The following SPATS2L variants were observed in gnomAD, a reference collection of about 807,000 sequenced individuals.
SPATS2L encodes spermatogenesis associated serine rich 2 like.
Under a neutral mutation model 59.6 loss-of-function variants are expected in SPATS2L, and 30 were observed. The ratio of observed to expected loss-of-function variants is 0.50; its 90% CI spans 0.38 to 0.68. The LOEUF (loss-of-function observed/expected upper bound fraction) is 0.68. SPATS2L is among the 30% of genes least tolerant of loss of function. The pLI is 0.00. For synonymous variants in SPATS2L, 252 were observed against 263.5 expected, an observed-to-expected ratio of 0.96 and a Z score of 0.42; for missense variants, 615 against 700.0, an observed-to-expected ratio of 0.88 and a Z score of 1.37.
Position 200,465,620 on chromosome 2 carries a change from TA to T in SPATS2L, c.848-1669del, listed in dbSNP as rs553088150. On this transcript the variant is annotated intron_variant, in intron 9 of 12. Transcript: ENST00000409140. ...GCCACATGGTATTGTAAATGGGGGC[TA>T]GGGGGAGCCCCAGTTAAAGAATCAA... is the stretch of plus-strand genomic sequence containing the variant. Among the ~76,000 whole-genome samples, 17 of 152,334 alleles carry T rather than the reference TA, an allele frequency of 1.1e-4. No homozygotes were observed. In the South Asian group the frequency reaches 3.3e-3, roughly 30 times the overall value.
chr2:200,407,313 T>C (rs1455569683), intron 3 of SPATS2L, among the ~76,000 whole-genome samples: 1 of 152,204 alleles, frequency 6.6e-6, no homozygotes, highest in Non-Finnish European at 1.5e-5. Flanking sequence ...AACATAGGTC[T>C]GTCTAACTCC....
intron 1 of SPATS2L, among the ~76,000 whole-genome samples, chr2:200,327,399 G>A (rs867270315): frequency 2.7e-5 from 3 of 109,904 alleles, no homozygotes; most frequent in Non-Finnish European, 4.2e-5. Flanking sequence ...GCGAGACTCC[G>A]TCTCAAAAAA....
At chr2:200,466,198 G>T (rs1444621680) in intron 9 of SPATS2L, among the ~76,000 whole-genome samples, 1 of 152,124 alleles carries the variant, frequency 6.6e-6, no homozygotes, top group Non-Finnish European at 1.5e-5. Context: ...ATATTGTTTG[G>T]ACCTGCACGT....
At chr2:200,471,907 A>G (rs1444066061) in intron 11 of SPATS2L, among the ~76,000 whole-genome samples, 2 of 152,256 alleles carry the variant, frequency 1.3e-5, no homozygotes, top group Admixed American at 1.3e-4. Context: ...TAAGCCTCAA[A>G]GAAAGGTCTA....
At chr2:200,372,684 A>G (rs1041702042) in intron 2 of SPATS2L, among the ~76,000 whole-genome samples, 3 of 152,214 alleles carry the variant, frequency 2.0e-5, no homozygotes, top group Non-Finnish European at 4.4e-5. Flanking sequence ...AACCAAAACA[A>G]TGGCACCAGA....
intron 6 of SPATS2L, among the ~76,000 whole-genome samples, chr2:200,424,212 C>T (rs908638171): frequency 8.5e-5 from 13 of 152,160 alleles, no homozygotes; most frequent in African/African-American, 2.9e-4. Context: ...GCCGAGCGGG[C>T]ACAGTGGCTC....
At chr2:200,373,541 AAAAC>A (rs1456740856) in intron 2 of SPATS2L, among the ~76,000 whole-genome samples, 1 of 152,254 alleles carries the variant, frequency 6.6e-6, no homozygotes, top group African/African-American at 2.4e-5. Flanking sequence ...AGCATTTAGT[AAAAC>A]AAACAAGAGT....
chr2:200,376,254 A>T (rs1271895937), intron 2 of SPATS2L, among the ~76,000 whole-genome samples: 2 of 152,218 alleles, frequency 1.3e-5, no homozygotes, highest in Non-Finnish European at 2.9e-5. Flanking sequence ...ATTTCCCATT[A>T]CAGCATATTT....
chr2:200,311,953 T>C (rs545887963), intron 1 of SPATS2L, among the ~76,000 whole-genome samples: 1 of 152,272 alleles, frequency 6.6e-6, no homozygotes, highest in South Asian at 2.1e-4. Context: ...GTGAGTGAAT[T>C]CCAGGGCCAA....
chr2:200,401,518 G>A (rs2082528189), intron 3 of SPATS2L, among the ~76,000 whole-genome samples: 1 of 152,148 alleles, frequency 6.6e-6, no homozygotes, highest in South Asian at 2.1e-4. Context: ...ATAATGGAAA[G>A]GGGTGGGTGC....
intron 2 of SPATS2L, among the ~76,000 whole-genome samples, chr2:200,361,409 G>A (rs532752519): frequency 1.3e-3 from 202 of 152,222 alleles, no homozygotes; most frequent in South Asian, 5.0e-3. Flanking sequence ...TCTTGCCCTC[G>A]TAGGGCAGAA....
At chr2:200,435,093 T>C (rs1046109883) in intron 6 of SPATS2L, among the ~76,000 whole-genome samples, 2 of 152,198 alleles carry the variant, frequency 1.3e-5, no homozygotes, top group Admixed American at 6.5e-5. Flanking sequence ...TCCATTATTT[T>C]TTCACATTTT....
At chr2:200,406,536 T>C (rs1486339536) in intron 3 of SPATS2L, among the ~76,000 whole-genome samples, 3 of 152,154 alleles carry the variant, frequency 2.0e-5, no homozygotes, top group African/African-American at 7.2e-5. Flanking sequence ...TCTCTTCATC[T>C]GCACTCCAGC....
intron 7 of SPATS2L, 136 bp downstream of exon 7, chr2:200,439,464 C>T (rs2084537404): frequency 1.5e-6 from 1 of 687,808 alleles, no homozygotes; most frequent in East Asian, 2.7e-5. Flanking sequence ...TTTCTGTGAC[C>T]CACATAGATG....
At chr2:200,307,405 C>T (rs932549956) in intron 1 of SPATS2L, among the ~76,000 whole-genome samples, 18 of 151,958 alleles carry the variant, frequency 1.2e-4, no homozygotes, top group Non-Finnish European at 1.3e-4. Context: ...ACCCCGCCCT[C>T]GGATCCCAGC....
At chr2:200,436,992 C>T (rs2084342145) in intron 6 of SPATS2L, among the ~76,000 whole-genome samples, 1 of 152,100 alleles carries the variant, frequency 6.6e-6, no homozygotes, top group Non-Finnish European at 1.5e-5. Flanking sequence ...TGGCACCTCT[C>T]CCCTCACTCT....
intron 6 of SPATS2L, among the ~76,000 whole-genome samples, chr2:200,423,663 A>G (rs2083405052): frequency 6.6e-6 from 1 of 152,198 alleles, no homozygotes. Context: ...CCACATAATG[A>G]TATTCTGTGC....
intron 2 of SPATS2L, among the ~76,000 whole-genome samples, chr2:200,331,560 A>C (rs986967827): frequency 6.6e-6 from 1 of 152,224 alleles, no homozygotes; most frequent in African/African-American, 2.4e-5. Context: ...AGTGTAGGGA[A>C]TATAGACCGA....
At chr2:200,389,078 T>A (rs891741245) in intron 2 of SPATS2L, 145 bp from the exon 3 acceptor site, 3 of 595,614 alleles carry the variant, frequency 5.0e-6, no homozygotes, top group South Asian at 2.3e-5. Context: ...CTAAGTCAGA[T>A]GCTTAGCTTG....
Sources: gnomAD v4.1 joint callset for allele counts (sites outside exome capture counted in the v4.1 genomes callset) on GRCh38, gnomAD v4.1.1 for gene constraint, MANE v1.5 for transcripts, NCBI Gene and HGNC (gene_info 2026-07-23, HGNC 2026-07-21) for gene names.